Variants in SEMA6D observed in about 807,000 individuals in gnomAD.
The protein encoded by SEMA6D is semaphorin 6D, also known as semaphorin-6D.
In SEMA6D, 35 loss-of-function variants were observed where a neutral mutation model predicts 106.6. That is an observed-to-expected ratio of 0.33 (90% CI 0.25 to 0.44). SEMA6D has a LOEUF of 0.44. SEMA6D is among the 20% of genes least tolerant of loss of function. SEMA6D has a pLI of 1.00. For synonymous variants in SEMA6D, 499 were observed against 487.7 expected, an observed-to-expected ratio of 1.02 and a Z score of -0.31; for missense variants, 1,185 against 1,345.9, an observed-to-expected ratio of 0.88 and a Z score of 1.87.
chr15:47,184,760 C>T (rs989988675), intron 1 of SEMA6D, among the ~76,000 whole-genome samples: 4 of 152,246 alleles, frequency 2.6e-5, no homozygotes, highest in South Asian at 2.1e-4. Flanking sequence ...GCCCCCACCC[C>T]AAATCCTCCG....
intron 4 of SEMA6D, among the ~76,000 whole-genome samples, chr15:47,677,900 A>G (rs1010469269): frequency 6.6e-6 from 1 of 152,210 alleles, no homozygotes; most frequent in Non-Finnish European, 1.5e-5. Flanking sequence ...TCACAAAAGC[A>G]CACCCATGTT....
At chr15:47,538,448 T>C (rs1204985786) in intron 3 of SEMA6D, among the ~76,000 whole-genome samples, 1 of 152,144 alleles carries the variant, frequency 6.6e-6, no homozygotes, top group Non-Finnish European at 1.5e-5. Context: ...GCCCCATATG[T>C]CTTGTATCTC....
At chr15:47,545,103 C>T (rs903561515) in intron 3 of SEMA6D, among the ~76,000 whole-genome samples, 3 of 152,034 alleles carry the variant, frequency 2.0e-5, no homozygotes, top group Non-Finnish European at 2.9e-5. Flanking sequence ...AAATCTACAC[C>T]TTAGAACTTG....
intron 4 of SEMA6D, among the ~76,000 whole-genome samples, chr15:47,648,816 G>A (rs1011237702): frequency 5.3e-5 from 8 of 152,082 alleles, no homozygotes; most frequent in African/African-American, 1.7e-4. Context: ...TAGAAGTTCG[G>A]TGATGTTTTT....
chr15:47,230,619 T>C (rs1682581773), intron 1 of SEMA6D, among the ~76,000 whole-genome samples: 4 of 152,072 alleles, frequency 2.6e-5, no homozygotes, highest in Non-Finnish European at 5.9e-5. Context: ...TCTTCCTTTA[T>C]ACTCTGCTTT....
chr15:47,366,635 G>A (rs2039039741), intron 1 of SEMA6D, among the ~76,000 whole-genome samples: 2 of 152,170 alleles, frequency 1.3e-5, no homozygotes, highest in African/African-American at 4.8e-5. Context: ...TTAGACCTTG[G>A]TCTTGAGGGA....
intron 1 of SEMA6D, among the ~76,000 whole-genome samples, chr15:47,219,089 T>C (rs182098586): frequency 6.6e-6 from 1 of 152,366 alleles, no homozygotes; most frequent in Admixed American, 6.5e-5. Flanking sequence ...AGCTTTAAAC[T>C]TGCTACTTGA....
At chr15:47,676,935 T>C (rs1345352877) in intron 4 of SEMA6D, among the ~76,000 whole-genome samples, 1 of 149,012 alleles carries the variant, frequency 6.7e-6, no homozygotes, top group African/African-American at 2.4e-5. Flanking sequence ...TCATGTGGGG[T>C]GGGTGGGTGG....
chr15:47,386,407 G>C (rs951060538), intron 1 of SEMA6D, among the ~76,000 whole-genome samples: 1 of 152,164 alleles, frequency 6.6e-6, no homozygotes. Context: ...GACATTAAAT[G>C]TATGAGCATT....
chr15:47,228,163 C>CACACACACACACACATATAT (rs374770930), intron 1 of SEMA6D, among the ~76,000 whole-genome samples: 1 of 136,810 alleles, frequency 7.3e-6, no homozygotes, highest in African/African-American at 2.7e-5. Context: ...CACACACACA[C>CACACACACACACACATATAT]ATATATATAT....
At chr15:47,202,667 A>G (rs939840047) in intron 1 of SEMA6D, among the ~76,000 whole-genome samples, 6 of 152,158 alleles carry the variant, frequency 3.9e-5, no homozygotes, top group African/African-American at 1.4e-4. Flanking sequence ...TTCCAAGTAT[A>G]CTTTACTTCC....
intron 3 of SEMA6D, among the ~76,000 whole-genome samples, chr15:47,582,137 G>C (rs145313241): frequency 9.7e-4 from 148 of 152,306 alleles, no homozygotes; most frequent in Non-Finnish European, 1.7e-3. Flanking sequence ...CATCATAGGT[G>C]CTAGCAAGAT....
At chr15:47,359,795 T>A (rs550351868) in intron 1 of SEMA6D, 3 of 152,278 alleles carry the variant, frequency 2.0e-5, no homozygotes, top group South Asian at 4.1e-4. Context: ...TTAGCTCCAA[T>A]CTTACGGAAG....
At chr15:47,304,347 GA>G (rs1337863900) in intron 1 of SEMA6D, among the ~76,000 whole-genome samples, 1 of 147,450 alleles carries the variant, frequency 6.8e-6, no homozygotes, top group Non-Finnish European at 1.5e-5. Flanking sequence ...TCAGGAGTCT[GA>G]GGCAGAAGAA....
At chr15:47,423,541 G>C (rs550052087) in intron 2 of SEMA6D, among the ~76,000 whole-genome samples, 1 of 151,920 alleles carries the variant, frequency 6.6e-6, no homozygotes, top group East Asian at 1.9e-4. Flanking sequence ...AAGAAACATA[G>C]ACTACAATTC....
intron 1 of SEMA6D, among the ~76,000 whole-genome samples, chr15:47,367,684 G>GCC (rs1357898015): frequency 2.4e-5 from 1 of 42,180 alleles, no homozygotes; most frequent in Non-Finnish European, 5.2e-5. Context: ...TCACACGCGC[G>GCC]CGCGCGCGCA....
chr15:47,520,629 G>A (rs114832259), intron 3 of SEMA6D, among the ~76,000 whole-genome samples: 1 of 152,216 alleles, frequency 6.6e-6, no homozygotes, highest in African/African-American at 2.4e-5. Flanking sequence ...TCTGGAAGCT[G>A]GTTGTTTCTG....
At chr15:47,207,073 C>G (rs1467707328) in intron 1 of SEMA6D, among the ~76,000 whole-genome samples, 8 of 152,150 alleles carry the variant, frequency 5.3e-5, no homozygotes, top group African/African-American at 1.9e-4. Flanking sequence ...GCCCATTAGC[C>G]TGTGGTGGGC....
Position 47,593,845 on chromosome 15 carries a change from A to C in SEMA6D, c.-86-7020A>C, listed in dbSNP as rs2143021931. On this transcript the variant is annotated intron_variant, in intron 3 of 19. Transcript: ENST00000558014. ...AAGAAAGAGGGCGGTGCAGTGCTAC[A>C]CACTTAAACAACCAGATCGCATGAG... Among the ~76,000 whole-genome samples, 2 of 152,240 alleles carry C rather than the reference A, an allele frequency of 1.3e-5. 1 individual carries two copies. The highest frequency in any genetic ancestry group is 6.8e-3 in the Middle Eastern group (2 of 294).
Sources: allele counts gnomAD v4.1 joint callset (sites outside exome capture counted in the v4.1 genomes callset), GRCh38; gene constraint gnomAD v4.1.1; transcripts MANE v1.5; gene names NCBI Gene and HGNC (gene_info 2026-07-23, HGNC 2026-07-21).